Variants in NRCAM observed in about 807,000 individuals in gnomAD.
NRCAM encodes the protein neuronal cell adhesion molecule.
In NRCAM, 83 loss-of-function variants were observed where a neutral mutation model predicts 156.5. That is an observed-to-expected ratio of 0.53 (90% CI 0.44 to 0.64). The LOEUF is 0.64. Ranked by LOEUF, NRCAM falls within the 30% of genes least tolerant of loss-of-function variation. The pLI, the probability that NRCAM is intolerant of heterozygous loss-of-function variation, is 0.00. For missense variants in NRCAM, 1,417 were observed against 1,597.3 expected, an observed-to-expected ratio of 0.89 and a Z score of 1.92; for synonymous variants, 538 against 563.9, an observed-to-expected ratio of 0.95 and a Z score of 0.65.
intron 3 of NRCAM, among the ~76,000 whole-genome samples, chr7:108,246,058 G>C (rs2095889324): frequency 6.6e-6 from 1 of 152,224 alleles, no homozygotes; most frequent in East Asian, 1.9e-4. Context: ...CAGTTGTCAG[G>C]ATTGGCTTCT....
intron 18 of NRCAM, 71 bp downstream of exon 18, chr7:108,191,658 T>A: frequency 6.8e-7 from 1 of 1,477,518 alleles, no homozygotes. Context: ...ATATTTATAA[T>A]TTTTATCTTA....
At chr7:108,335,374 G>C (rs2099168530) in intron 2 of NRCAM, among the ~76,000 whole-genome samples, 1 of 147,930 alleles carries the variant, frequency 6.8e-6, no homozygotes, top group Admixed American at 6.8e-5. Context: ...TAAGAGAGTG[G>C]AAACTTCCCT....
At chr7:108,249,354 C>A (rs2096188209) in intron 3 of NRCAM, among the ~76,000 whole-genome samples, 1 of 152,166 alleles carries the variant, frequency 6.6e-6, no homozygotes, top group Non-Finnish European at 1.5e-5. Flanking sequence ...TCATTCCAGC[C>A]AGAGGCTGTT....
At position 108,184,491 on chromosome 7, in the gene NRCAM, C is replaced by G; in HGVS notation, c.2159G>C (p.Arg720Pro). 6.2e-7 allele frequency: 1 copy of G among 1,614,186 alleles called. No individual in the cohort carries two copies. The change falls in exon 21 of 33, where the codon CGC becomes CCC. Residue 720 changes from arginine to proline, a missense_variant. By Grantham distance (103) the Arg-to-Pro change is moderately radical (BLOSUM62 -2). Coordinates refer to ENST00000379028, the MANE Select transcript of NRCAM (RefSeq NM_001037132.4). ...KLSPYVNYSFRVMAVNSIGKS... is the reference protein window; with the variant it reads ...KLSPYVNYSFPVMAVNSIGKS... ...CCCAATGCTGTTCACTGCCATCACG[C>G]GGAAGGAGTAGTTCACGTAAGGAGA...
chr7:108,381,693 G>C (rs2099702222), intron 2 of NRCAM, among the ~76,000 whole-genome samples: 1 of 151,788 alleles, frequency 6.6e-6, no homozygotes, highest in Admixed American at 6.6e-5. Context: ...CCAAGTAGCT[G>C]AGATTACAGG....
chr7:108,429,818 G>T (rs1303222657), intron 1 of NRCAM, among the ~76,000 whole-genome samples: 2 of 152,220 alleles, frequency 1.3e-5, no homozygotes, highest in East Asian at 3.8e-4. Flanking sequence ...TTAAAAAGTG[G>T]TAAGTAGAAT....
intron 3 of NRCAM, among the ~76,000 whole-genome samples, chr7:108,297,749 G>T (rs2098479593): frequency 6.6e-6 from 1 of 152,168 alleles, no homozygotes; most frequent in Admixed American, 6.5e-5. Context: ...TAAAACAAAG[G>T]AAGGGGTACA....
chr7:108,157,251 A>T (rs1160289367), intron 32 of NRCAM, among the ~76,000 whole-genome samples: 1 of 152,160 alleles, frequency 6.6e-6, no homozygotes, highest in Non-Finnish European at 1.5e-5. Flanking sequence ...AATAAGCCCA[A>T]ATGCAAAGTC....
chr7:108,187,770 C>A (rs2067985785), intron 20 of NRCAM, among the ~76,000 whole-genome samples: 1 of 151,686 alleles, frequency 6.6e-6, no homozygotes, highest in Non-Finnish European at 1.5e-5. Flanking sequence ...GCTAGTACGG[C>A]AAAACCCCAT....
chr7:108,380,862 G>A (rs2099697700), intron 2 of NRCAM, among the ~76,000 whole-genome samples: 1 of 152,062 alleles, frequency 6.6e-6, no homozygotes, highest in Non-Finnish European at 1.5e-5. Flanking sequence ...ATGCTCCTGA[G>A]TACTGGGTTA....
intron 4 of NRCAM, among the ~76,000 whole-genome samples, chr7:108,238,835 A>G (rs532632605): frequency 5.3e-5 from 8 of 152,242 alleles, no homozygotes; most frequent in African/African-American, 1.9e-4. Flanking sequence ...TGAACTTTAT[A>G]GAAGCACAGC....
intron 2 of NRCAM, among the ~76,000 whole-genome samples, chr7:108,318,097 G>C (rs1357819279): frequency 7.6e-6 from 1 of 132,018 alleles, no homozygotes; most frequent in Non-Finnish European, 1.5e-5. Flanking sequence ...CCAGACTGGA[G>C]TGGAGTGGTG....
rs74708699 is a variant in NRCAM at position 108,149,972 on chromosome 7, C to T, written c.3853G>A (p.Ala1285Thr). ...QYSGKKEKEP[A>T]EGNESSEAPS... ...GCCTCTGAGCTTTCGTTTCCTTCAGCCGGCTCTTTCTCTTTCTTACCACTG... is the reference window on the plus strand; with the variant it reads ...GCCTCTGAGCTTTCGTTTCCTTCAGTCGGCTCTTTCTCTTTCTTACCACTG... The change falls in exon 33 of 33, where the codon GCT (alanine) becomes ACT (threonine). Residue 1285 changes from alanine to threonine, a missense_variant. By Grantham distance (58) the Ala-to-Thr change is moderately conservative. This residue lies in a region of NRCAM where 179 missense variants were observed against 260.9 expected (regional missense o/e 0.69). Transcript: ENST00000379028. 1.4e-3 allele frequency: 2,204 copies of T among 1,613,966 alleles called. 26 individuals are homozygous for T. The African/African-American group carries it at 0.025, about 19-fold the overall frequency.
intron 1 of NRCAM, among the ~76,000 whole-genome samples, chr7:108,423,977 T>C (rs1156260680): frequency 6.6e-6 from 1 of 152,232 alleles, no homozygotes; most frequent in African/African-American, 2.4e-5. Context: ...AATACCACTG[T>C]CATCCCCTCT....
intron 13 of NRCAM, among the ~76,000 whole-genome samples, chr7:108,206,563 A>T (rs1401497175): frequency 6.6e-6 from 1 of 152,072 alleles, no homozygotes; most frequent in African/African-American, 2.4e-5. Flanking sequence ...GAAGGGGAAA[A>T]TGTTGAAAGA....
chr7:108,176,830 T>C (rs2153223264), intron 26 of NRCAM: 1 of 371,200 alleles, frequency 2.7e-6, no homozygotes, highest in Non-Finnish European at 4.8e-6. Flanking sequence ...CACAAGGGGG[T>C]AGTATGTTCT....
intron 3 of NRCAM, among the ~76,000 whole-genome samples, chr7:108,281,552 G>A (rs1428833733): frequency 6.6e-6 from 1 of 152,202 alleles, no homozygotes; most frequent in African/African-American, 2.4e-5. Context: ...TTGGATCTTG[G>A]CAAAAATTTG....
intron 3 of NRCAM, among the ~76,000 whole-genome samples, chr7:108,273,354 A>G (rs1008568308): frequency 2.2e-4 from 34 of 152,214 alleles, no homozygotes; most frequent in Non-Finnish European, 3.7e-4. Flanking sequence ...ACTAGTTTAC[A>G]GTCCCACCAA....
At chr7:108,178,353 C>A in intron 25 of NRCAM, 1 of 487,936 alleles carries the variant, frequency 2.0e-6, no homozygotes, top group South Asian at 1.9e-5. Context: ...CACATAATGA[C>A]TTTGCCTTTA....
Sources: allele counts gnomAD v4.1 joint callset (sites outside exome capture counted in the v4.1 genomes callset), GRCh38; gene constraint gnomAD v4.1.1; regional missense constraint gnomAD v4.1.1; transcripts MANE v1.5; gene names NCBI Gene and HGNC (gene_info 2026-07-23, HGNC 2026-07-21).